Variants in PCLO observed in about 807,000 individuals in gnomAD.
PCLO encodes the protein piccolo presynaptic cytomatrix protein, also known as protein piccolo.
In PCLO, 82 loss-of-function variants were observed where a neutral mutation model predicts 427.5. That is an observed-to-expected ratio of 0.19 (90% CI 0.16 to 0.23). PCLO has a LOEUF of 0.23. Ranked by LOEUF, PCLO falls within the 10% of genes least tolerant of loss-of-function variation. PCLO has a pLI of 1.00. For synonymous variants in PCLO, 2,357 were observed against 2,155.4 expected (o/e 1.09, Z -2.59); for missense variants, 6,239 against 6,115.9 (o/e 1.02, Z -0.67).
intron 3 of PCLO, among the ~76,000 whole-genome samples, chr7:83,009,873 T>C (rs1428975455): frequency 6.6e-6 from 1 of 151,932 alleles, no homozygotes; most frequent in Non-Finnish European, 1.5e-5. Context: ...TAGAATATAA[T>C]AACTATTTAC....
intron 1 of PCLO, among the ~76,000 whole-genome samples, chr7:83,158,010 A>G (rs914136062): frequency 2.0e-5 from 3 of 152,044 alleles, no homozygotes. Context: ...ACAGGTCAGG[A>G]TGTAAGAGAT....
intron 14 of PCLO, among the ~76,000 whole-genome samples, chr7:82,840,885 T>C (rs1472771463): frequency 6.6e-6 from 1 of 151,840 alleles, no homozygotes; most frequent in Non-Finnish European, 1.5e-5. Flanking sequence ...ATTTTTACTA[T>C]GACCCACAAT....
chr7:83,046,327 C>G (rs993247422), intron 3 of PCLO, among the ~76,000 whole-genome samples: 7 of 151,990 alleles, frequency 4.6e-5, no homozygotes, highest in Non-Finnish European at 1.0e-4. Flanking sequence ...TTCACCATGG[C>G]AAGTCCTAAA....
intron 18 of PCLO, among the ~76,000 whole-genome samples, chr7:82,825,185 T>A (rs1306281054): frequency 6.6e-6 from 1 of 152,156 alleles, no homozygotes; most frequent in Admixed American, 6.5e-5. Context: ...TTTTTTTTTC[T>A]TAGTACATTG....
intron 3 of PCLO, among the ~76,000 whole-genome samples, chr7:83,067,085 T>A (rs1464920267): frequency 6.6e-6 from 1 of 152,214 alleles, no homozygotes; most frequent in African/African-American, 2.4e-5. Context: ...AAGGTATATA[T>A]GAAACAAATT....
chr7:82,997,095 A>T (rs1448597738), intron 3 of PCLO, among the ~76,000 whole-genome samples: 1 of 151,964 alleles, frequency 6.6e-6, no homozygotes, highest in Non-Finnish European at 1.5e-5. Flanking sequence ...TCGTAGATCA[A>T]ACACGTTTGG....
At chr7:83,045,675 C>T (rs1019889091) in intron 3 of PCLO, among the ~76,000 whole-genome samples, 20 of 151,918 alleles carry the variant, frequency 1.3e-4, no homozygotes, top group African/African-American at 4.6e-4. Flanking sequence ...ATAATTTTTC[C>T]TCCTCCGTAG....
intron 1 of PCLO, among the ~76,000 whole-genome samples, chr7:83,156,898 G>C (rs1356323850): frequency 2.0e-5 from 3 of 152,130 alleles, no homozygotes; most frequent in East Asian, 1.9e-4. Context: ...TTAAATATAG[G>C]AGTCTGCTGA....
At chr7:83,056,558 T>A (rs563596817) in intron 3 of PCLO, among the ~76,000 whole-genome samples, 1 of 152,222 alleles carries the variant, frequency 6.6e-6, no homozygotes, top group Non-Finnish European at 1.5e-5. Flanking sequence ...ACTTTGTGAT[T>A]TAACCAGAGA....
At chr7:82,874,385 C>A (rs146287168) in intron 10 of PCLO, among the ~76,000 whole-genome samples, 4 of 152,008 alleles carry the variant, frequency 2.6e-5, no homozygotes, top group Non-Finnish European at 5.9e-5. Context: ...TGACTCCCAA[C>A]GCAATGAGAT....
At chr7:83,121,330 A>G (rs1332257023) in intron 3 of PCLO, among the ~76,000 whole-genome samples, 2 of 152,180 alleles carry the variant, frequency 1.3e-5, no homozygotes, top group African/African-American at 4.8e-5. Flanking sequence ...AATCGGTAAT[A>G]GAAGGTTATT....
At chr7:82,779,350 T>G (rs1790821148) in intron 22 of PCLO, among the ~76,000 whole-genome samples, 1 of 152,148 alleles carries the variant, frequency 6.6e-6, no homozygotes, top group Non-Finnish European at 1.5e-5. Flanking sequence ...TATCTTTTCA[T>G]CCTCCCTTTT....
At chr7:82,961,430 T>A (rs1278856744) in intron 4 of PCLO, among the ~76,000 whole-genome samples, 2 of 152,208 alleles carry the variant, frequency 1.3e-5, no homozygotes, top group African/African-American at 4.8e-5. Flanking sequence ...ATGGGGAATG[T>A]TAGCGGTTGC....
At chr7:83,156,699 T>C (rs1177712644) in intron 1 of PCLO, among the ~76,000 whole-genome samples, 1 of 151,850 alleles carries the variant, frequency 6.6e-6, no homozygotes. Flanking sequence ...TTGCACTTAA[T>C]AGAATCTGGC....
intron 3 of PCLO, among the ~76,000 whole-genome samples, chr7:83,048,130 T>C (rs1789146735): frequency 6.6e-6 from 1 of 152,138 alleles, no homozygotes; most frequent in Non-Finnish European, 1.5e-5. Flanking sequence ...CATATTGTGT[T>C]ATTAAATGTT....
intron 8 of PCLO, among the ~76,000 whole-genome samples, chr7:82,907,875 T>C (rs1794228030): frequency 6.6e-6 from 1 of 151,882 alleles, no homozygotes; most frequent in South Asian, 2.1e-4. Context: ...AATCTAAGAG[T>C]ATAGTCAATG....
chr7:82,997,846 C>T (rs1787666186), intron 3 of PCLO, among the ~76,000 whole-genome samples: 1 of 151,908 alleles, frequency 6.6e-6, no homozygotes, highest in Non-Finnish European at 1.5e-5. Context: ...CTGTTACATC[C>T]AAAAGAAATT....
At chr7:82,992,248 G>A (rs1269851622) in intron 3 of PCLO, among the ~76,000 whole-genome samples, 1 of 152,016 alleles carries the variant, frequency 6.6e-6, no homozygotes, top group African/African-American at 2.4e-5. Flanking sequence ...TACAAAGAAA[G>A]ATGTAGGTTC....
In PCLO at chr7:83,032,448, GCCTCCCTTC is replaced by G. The variant is rs879932581; in HGVS notation, c.3301-65970_3301-65962del. Among the ~76,000 whole-genome samples, 385 of 87,488 alleles carry G rather than the reference GCCTCCCTTC, an allele frequency of 4.4e-3. 2 individuals are homozygous for G. Among genetic ancestry groups the G allele is most frequent in the South Asian group, 4.7e-3 (14 of 2,996 alleles). The allele number at this position is 87,488 out of a possible 152,430, so 57.4% of individuals were successfully genotyped here. ...TTCCCTTCCTTCCCTTCCCTCCCTT[GCCTCCCTTC>G]CCTCCCTTCCCTCCCTTCCTTCCCT... On this transcript the variant is annotated intron_variant, in intron 3 of 24. Transcript: ENST00000333891.
Sources: gnomAD v4.1 joint callset for allele counts (sites outside exome capture counted in the v4.1 genomes callset) on GRCh38, gnomAD v4.1.1 for gene constraint, MANE v1.5 for transcripts, NCBI Gene and HGNC (gene_info 2026-07-23, HGNC 2026-07-21) for gene names.